The following CENPO variants were observed in gnomAD, a reference collection of about 807,000 sequenced individuals.
CENPO encodes the protein centromeric protein O.
Under a neutral mutation model 36.1 loss-of-function variants are expected in CENPO, and 30 were observed. That is an observed-to-expected ratio of 0.83 (90% CI 0.62 to 1.13). The LOEUF is 1.13. CENPO is among the 50% of genes most tolerant of loss of function. The pLI is 0.00. For missense variants in CENPO, 349 were observed against 357.8 expected (o/e 0.98, Z 0.20); for synonymous variants, 171 against 142.3 (o/e 1.20, Z -1.44).
chr2:24,805,467 T>C (rs1196518934), intron 3 of CENPO, among the ~76,000 whole-genome samples: 4 of 152,200 alleles, frequency 2.6e-5, no homozygotes, highest in African/African-American at 9.7e-5. Flanking sequence ...TATCTACCTT[T>C]GGTCTTTGAT....
Position 24,815,633 on chromosome 2 carries a change from C to T in CENPO, c.471C>T (p.Val157=), listed in dbSNP as rs749068844. Residue 157 remains valine, a synonymous_variant, in exon 5 of 8, where the codon GTC becomes GTT. Coordinates refer to ENST00000380834, the MANE Select transcript of CENPO (RefSeq NM_001322101.2). ...GGATACATCACCATTCAGTCCCAGT[C>T]TTCATTCCCCTGGAAGAGATAGCTG... is the stretch of plus-strand genomic sequence containing the variant. ...PLRIHHHSVP[V]FIPLEEIAAK... 6.2e-7 allele frequency: 1 copy of T among 1,614,192 alleles called. No homozygotes were observed. The highest frequency in any genetic ancestry group is 1.1e-5 in the South Asian group (1 of 91,076).
At position 24,804,676 on chromosome 2, in the gene CENPO, G is replaced by T. The variant is rs1178727878; in HGVS notation, c.216+4832G>T. 4.6e-5 allele frequency among the ~76,000 whole-genome samples: 7 copies of T among 152,202 alleles called. No individual in the cohort carries two copies. The East Asian group carries it at 1.2e-3, about 25-fold the overall frequency. ...GGCCCCCACTCTCTTCTGACTTGTAGAGTTTGTGCCGAGAGATCAGCTGTT... is the reference window on the plus strand; with the variant it reads ...GGCCCCCACTCTCTTCTGACTTGTATAGTTTGTGCCGAGAGATCAGCTGTT... On this transcript the variant is annotated intron_variant, in intron 3 of 7. Coordinates refer to ENST00000380834, the MANE Select transcript of CENPO (RefSeq NM_001322101.2).
chr2:24,817,534 T>C, intron 6 of CENPO, 136 bp from the exon 7 acceptor site: 1 of 1,120,768 alleles, frequency 8.9e-7, no homozygotes, highest in South Asian at 1.5e-5. Flanking sequence ...TTCCCCCAGC[T>C]GCACTGAGTG....
At chr2:24,798,469 C>T (rs1185668684) in intron 2 of CENPO, among the ~76,000 whole-genome samples, 1 of 151,922 alleles carries the variant, frequency 6.6e-6, no homozygotes, top group Admixed American at 6.6e-5. Flanking sequence ...TGATCTCACA[C>T]AAATTTTTTT....
chr2:24,813,989 C>A (rs11895026), intron 3 of CENPO, among the ~76,000 whole-genome samples: 26,757 of 152,088 alleles, frequency 0.18, 2,655 homozygotes, highest in Middle Eastern at 0.23. Flanking sequence ...GCAGCGTAAG[C>A]CTTGGAGCCC....
intron 3 of CENPO, among the ~76,000 whole-genome samples, chr2:24,804,231 C>T (rs960906069): frequency 2.0e-5 from 3 of 152,204 alleles, no homozygotes; most frequent in Admixed American, 1.3e-4. Flanking sequence ...TGTCTCTGCA[C>T]ATGAGATGGG....
intron 3 of CENPO, among the ~76,000 whole-genome samples, chr2:24,803,265 T>G (rs375029982): frequency 4.0e-5 from 6 of 151,680 alleles, no homozygotes; most frequent in African/African-American, 1.2e-4. Context: ...TTTGTTGATC[T>G]TTTCAAAAAA....
intron 5 of CENPO, 153 bp downstream of exon 5, chr2:24,815,909 T>C: frequency 1.4e-6 from 1 of 711,998 alleles, no homozygotes. Context: ...AAAAGCACTA[T>C]CCCACCCTCT....
chr2:24,799,667 C>T lies in CENPO; in HGVS notation c.47-8C>T, dbSNP rs772621023. The T allele has an allele frequency of 6.3e-6, 10 of 1,596,798 alleles. No homozygotes were observed. Among genetic ancestry groups the T allele is most frequent in the Non-Finnish European group, 8.5e-6 (10 of 1,169,956 alleles). On this transcript the variant is annotated splice_region_variant and splice_polypyrimidine_tract_variant and intron_variant, in intron 2 of 7. Transcript: ENST00000380834. ...CTTCTTGTAAAATTCTCCTTTTACT[C>T]TCCTTAGGTGTTTTAGCTCACTTGG...
In CENPO at chr2:24,812,728, G is replaced by A. The variant is rs144993340; in HGVS notation, c.217-1648G>A. 8.6e-5 allele frequency among the ~76,000 whole-genome samples: 13 copies of A among 151,792 alleles called. No individual in the cohort carries two copies. In the East Asian group the frequency reaches 1.9e-3, roughly 23 times the overall value. ...GTATTTTTTTGGTTCTAAGATTTCCGTCTCATTCTTTTCTGTATAGATTCC... is the reference window on the plus strand; with the variant it reads ...GTATTTTTTTGGTTCTAAGATTTCCATCTCATTCTTTTCTGTATAGATTCC... On this transcript the variant is annotated intron_variant, in intron 3 of 7. Coordinates refer to ENST00000380834, the MANE Select transcript of CENPO (RefSeq NM_001322101.2).
intron 3 of CENPO, among the ~76,000 whole-genome samples, chr2:24,806,076 T>C (rs1161259262): frequency 1.3e-5 from 2 of 152,198 alleles, no homozygotes; most frequent in Non-Finnish European, 2.9e-5. Flanking sequence ...TCTCAGCCTG[T>C]TGTGCTAGCA....
intron 3 of CENPO, among the ~76,000 whole-genome samples, chr2:24,813,646 A>G (rs79000427): frequency 6.6e-6 from 1 of 152,258 alleles, no homozygotes; most frequent in African/African-American, 2.4e-5. Context: ...TCCTGTTTCT[A>G]TGGAATCTTG....
chr2:24,803,197 C>T (rs1666232709), intron 3 of CENPO, among the ~76,000 whole-genome samples: 2 of 149,874 alleles, frequency 1.3e-5, no homozygotes, highest in East Asian at 2.0e-4. Context: ...TTTTTTATTG[C>T]GTCTACTTGA....
chr2:24,814,540 T>C (rs1666851096), intron 4 of CENPO, 47 bp downstream of exon 4: 4 of 859,138 alleles, frequency 4.7e-6, no homozygotes, highest in African/African-American at 1.7e-5. Flanking sequence ...CTGCCTCTAG[T>C]GAGTTAGTTT....
rs1465068249 is a variant in CENPO at position 24,799,742 on chromosome 2, G to A, written c.114G>A (p.Leu38=). The A allele has an allele frequency of 6.2e-7, 1 of 1,614,104 alleles. No individual in the cohort carries two copies. The highest frequency in any genetic ancestry group is 1.7e-5 in the Admixed American group (1 of 60,022). Residue 38 remains leucine (L), a synonymous_variant, in exon 3 of 8, where the codon CTG becomes CTA. Transcript: ENST00000380834. ...GATCCCGTAAACAGTCTGAAGAGCT[G>A]CAGAGCGTGCAGGCCCAGGAAGGTG... ...VSRSRKQSEE[L]QSVQAQEGAL...
chr2:24,793,455 T>G lies in CENPO; in HGVS notation c.-115T>G. 1 of 1,605,102 alleles carries G rather than the reference T, an allele frequency of 6.2e-7. No individual in the cohort carries two copies. The highest frequency in any genetic ancestry group is 8.5e-7 in the Non-Finnish European group (1 of 1,175,538). On this transcript the variant is annotated 5_prime_UTR_variant, in exon 1 of 8. Coordinates refer to ENST00000380834, the MANE Select transcript of CENPO (RefSeq NM_001322101.2). ...CGCAAAGCACGCCGGGACCGGTTGGTTTGGTTTTGAAGACGTGGATGGCGG... is the reference window on the plus strand; with the variant it reads ...CGCAAAGCACGCCGGGACCGGTTGGGTTGGTTTTGAAGACGTGGATGGCGG...
chr2:24,793,524 G>C, intron 1 of CENPO, 23 bp downstream of exon 1: 1 of 1,569,470 alleles, frequency 6.4e-7, no homozygotes, highest in Non-Finnish European at 8.6e-7. Flanking sequence ...GGAGAAGGTA[G>C]GGGAAAGACC....
intron 1 of CENPO, 123 bp downstream of exon 1, chr2:24,793,624 A>G (rs981784949): frequency 6.4e-6 from 9 of 1,416,754 alleles, no homozygotes; most frequent in Non-Finnish European, 8.4e-6. Flanking sequence ...GGACCAGAGT[A>G]GCCGTGGCCT....
At chr2:24,800,380 G>T (rs1666107661) in intron 3 of CENPO, among the ~76,000 whole-genome samples, 1 of 152,122 alleles carries the variant, frequency 6.6e-6, no homozygotes, top group Admixed American at 6.5e-5. Flanking sequence ...CAACGTGTAG[G>T]TTTGTTACAT....
Sources: gnomAD v4.1 joint callset for allele counts (sites outside exome capture counted in the v4.1 genomes callset) on GRCh38, gnomAD v4.1.1 for gene constraint, MANE v1.5 for transcripts, NCBI Gene and HGNC (gene_info 2026-07-23, HGNC 2026-07-21) for gene names.